HS6ST3: variants seen among roughly 807,000 people sequenced by gnomAD.
HS6ST3 encodes heparan-sulfate 6-O-sulfotransferase 3.
A neutral mutation model predicts 36.7 loss-of-function variants in HS6ST3; 12 were observed. The ratio of observed to expected loss-of-function variants is 0.33; its 90% confidence interval spans 0.21 to 0.53. The LOEUF (loss-of-function observed/expected upper bound fraction) is 0.53, where lower values mean the gene tolerates loss of function less well. Among genes scored for constraint, HS6ST3 ranks in the 20% least tolerant of loss-of-function variants. HS6ST3 has a pLI of 0.95. For synonymous variants in HS6ST3, 240 were observed against 257.5 expected, an observed-to-expected ratio of 0.93 and a Z score of 0.65; for missense variants, 584 against 640.9, an observed-to-expected ratio of 0.91 and a Z score of 0.96.
chr13:96,765,373 C>T (rs1187506847), intron 1 of HS6ST3, among the ~76,000 whole-genome samples: 1 of 152,164 alleles, frequency 6.6e-6, no homozygotes, highest in Non-Finnish European at 1.5e-5. Context: ...CACCCGGCCA[C>T]ACTTGCCATA....
At chr13:96,516,206 C>A (rs2056072145) in intron 1 of HS6ST3, among the ~76,000 whole-genome samples, 1 of 151,894 alleles carries the variant, frequency 6.6e-6, no homozygotes, top group African/African-American at 2.4e-5. Context: ...GGACTAGAGG[C>A]ACACACCACC....
At chr13:96,330,607 C>A (rs2055060704) in intron 1 of HS6ST3, among the ~76,000 whole-genome samples, 2 of 151,642 alleles carry the variant, frequency 1.3e-5, no homozygotes, top group South Asian at 4.2e-4. Flanking sequence ...TCTCTGGCTG[C>A]CCTTAACATT....
rs187471527 is a variant in HS6ST3 at position 96,243,435 on chromosome 13, A to G, written c.707+151866A>G. On this transcript the variant is annotated intron_variant, in intron 1 of 1. Transcript: ENST00000376705. ...CTAGTAAGATAGCTTGATACATCCC[A>G]TTTGTTGAATTATTTTGACTAATGA... Among the ~76,000 whole-genome samples, 558 of 152,228 alleles carry G rather than the reference A, an allele frequency of 3.7e-3. 13 individuals are homozygous for G. Among genetic ancestry groups the G allele is most frequent in the Non-Finnish European group, 5.6e-4 (38 of 68,008 alleles).
At chr13:96,147,190 A>G (rs558467786) in intron 1 of HS6ST3, among the ~76,000 whole-genome samples, 1 of 152,378 alleles carries the variant, frequency 6.6e-6, no homozygotes, top group African/African-American at 2.4e-5. Context: ...TAGCTCAATT[A>G]TTAATCATTG....
intron 1 of HS6ST3, among the ~76,000 whole-genome samples, chr13:96,310,411 G>T (rs2054934486): frequency 6.6e-6 from 1 of 152,134 alleles, no homozygotes; most frequent in South Asian, 2.1e-4. Flanking sequence ...GCAGAAGGTG[G>T]AAGGGTTGTC....
At chr13:96,199,580 T>C (rs1358233325) in intron 1 of HS6ST3, among the ~76,000 whole-genome samples, 1 of 152,218 alleles carries the variant, frequency 6.6e-6, no homozygotes, top group Non-Finnish European at 1.5e-5. Context: ...GACCATTAAA[T>C]ATCTATTGAT....
chr13:96,569,461 G>A (rs959548773), intron 1 of HS6ST3, among the ~76,000 whole-genome samples: 5 of 152,138 alleles, frequency 3.3e-5, no homozygotes, highest in African/African-American at 1.2e-4. Flanking sequence ...CATTGATCCA[G>A]CCCTCAGCCC....
At chr13:96,671,970 A>G (rs77305396) in intron 1 of HS6ST3, among the ~76,000 whole-genome samples, 1,885 of 152,312 alleles carry the variant, frequency 0.012, 33 homozygotes, top group African/African-American at 0.043. Flanking sequence ...ATTGCATGAC[A>G]TGATGAAATC....
intron 1 of HS6ST3, among the ~76,000 whole-genome samples, chr13:96,424,961 A>T (rs2055579385): frequency 6.6e-6 from 1 of 152,196 alleles, no homozygotes; most frequent in African/African-American, 2.4e-5. Flanking sequence ...TAATTCTGGA[A>T]TATTATTGTG....
chr13:96,829,349 T>A (rs1878720353), intron 1 of HS6ST3, among the ~76,000 whole-genome samples: 1 of 152,106 alleles, frequency 6.6e-6, no homozygotes, highest in Non-Finnish European at 1.5e-5. Context: ...TTATTTTAAG[T>A]TCAGCAGTAC....
chr13:96,732,588 C>T (rs1876185073), intron 1 of HS6ST3, among the ~76,000 whole-genome samples: 1 of 151,932 alleles, frequency 6.6e-6, no homozygotes, highest in Admixed American at 6.6e-5. Flanking sequence ...AGTGTGATGC[C>T]TTCAGCTTTG....
At chr13:96,196,083 A>T (rs542851226) in intron 1 of HS6ST3, among the ~76,000 whole-genome samples, 1 of 152,100 alleles carries the variant, frequency 6.6e-6, no homozygotes, top group South Asian at 2.1e-4. Flanking sequence ...CTCTTACAGT[A>T]TGTTCCTGAG....
At chr13:96,690,318 A>G (rs979320906) in intron 1 of HS6ST3, among the ~76,000 whole-genome samples, 2 of 152,132 alleles carry the variant, frequency 1.3e-5, no homozygotes, top group South Asian at 2.1e-4. Flanking sequence ...ATATGCAGAC[A>G]TAATAGACTG....
chr13:96,683,341 C>T (rs1301089279), intron 1 of HS6ST3, among the ~76,000 whole-genome samples: 3 of 152,038 alleles, frequency 2.0e-5, no homozygotes, highest in Non-Finnish European at 4.4e-5. Flanking sequence ...CAAATTGTGT[C>T]TCTTCCCACA....
chr13:96,318,570 G>T (rs980859961), intron 1 of HS6ST3, among the ~76,000 whole-genome samples: 2 of 124,332 alleles, frequency 1.6e-5, no homozygotes, highest in Non-Finnish European at 3.6e-5. Context: ...CAAAACAAAA[G>T]AAATAAAGGT....
intron 1 of HS6ST3, among the ~76,000 whole-genome samples, chr13:96,328,440 A>G (rs2055045118): frequency 6.6e-6 from 1 of 151,982 alleles, no homozygotes; most frequent in African/African-American, 2.4e-5. Context: ...TGAGATAATC[A>G]TGTGGTTTTT....
chr13:96,546,142 C>T (rs1374426195), intron 1 of HS6ST3, among the ~76,000 whole-genome samples: 1 of 151,946 alleles, frequency 6.6e-6, no homozygotes, highest in Non-Finnish European at 1.5e-5. Context: ...ATATTAATAT[C>T]CTTGTAGTAT....
At chr13:96,575,650 C>A (rs950227459) in intron 1 of HS6ST3, among the ~76,000 whole-genome samples, 18 of 152,212 alleles carry the variant, frequency 1.2e-4, no homozygotes, top group African/African-American at 4.1e-4. Context: ...ATCTTCACCC[C>A]ACCAGGGCAA....
intron 1 of HS6ST3, among the ~76,000 whole-genome samples, chr13:96,803,128 A>G (rs1878120566): frequency 6.6e-6 from 1 of 152,202 alleles, no homozygotes; most frequent in Non-Finnish European, 1.5e-5. Context: ...CCCATGGGAT[A>G]CAATTAATAG....
Sources: gnomAD v4.1 joint callset for allele counts (sites outside exome capture counted in the v4.1 genomes callset) on GRCh38, gnomAD v4.1.1 for gene constraint, MANE v1.5 for transcripts, NCBI Gene and HGNC (gene_info 2026-07-23, HGNC 2026-07-21) for gene names.